The following PCDHGA5 variants were observed in gnomAD, a reference collection of about 807,000 sequenced individuals.
PCDHGA5 encodes the protein protocadherin gamma-A5.
A neutral mutation model predicts 56.7 loss-of-function variants in PCDHGA5; 36 were observed. The ratio of observed to expected loss-of-function variants is 0.64; its 90% CI spans 0.49 to 0.84. The LOEUF (loss-of-function observed/expected upper bound fraction) is 0.84. PCDHGA5 is among the 40% of genes least tolerant of loss of function. The pLI is 0.00. For synonymous variants in PCDHGA5, 563 were observed against 520.2 expected (o/e 1.08, Z -1.12); for missense variants, 1,305 against 1,201.5 (o/e 1.09, Z -1.27).
chr5:141,506,025 A>T (rs2099850088), intron 3 of PCDHGA5, among the ~76,000 whole-genome samples: 1 of 152,150 alleles, frequency 6.6e-6, no homozygotes, highest in African/African-American at 2.4e-5. Context: ...CCCTAACTCC[A>T]GAGTAGGATT....
At chr5:141,495,153 T>G (rs2154591630) in intron 2 of PCDHGA5, among the ~76,000 whole-genome samples, 1 of 152,290 alleles carries the variant, frequency 6.6e-6, no homozygotes, top group East Asian at 1.9e-4. Flanking sequence ...AGGATGGTCT[T>G]AAGCTGGTCT....
intron 3 of PCDHGA5, among the ~76,000 whole-genome samples, chr5:141,508,738 A>C (rs1596171196): frequency 7.1e-5 from 10 of 141,304 alleles, no homozygotes; most frequent in Admixed American, 1.4e-4. Context: ...TACACCCCCC[A>C]CCCCGCTCTT....
intron 2 of PCDHGA5, among the ~76,000 whole-genome samples, chr5:141,502,408 G>A (rs1197275813): frequency 6.6e-6 from 1 of 151,782 alleles, no homozygotes; most frequent in Non-Finnish European, 1.5e-5. Context: ...CCCGAACCTG[G>A]ATTTGCTGGC....
rs1688094877 is a variant in PCDHGA5 at position 141,432,625 on chromosome 5, C to T, written c.2422-62182C>T. 1.2e-6 allele frequency: 2 copies of T among 1,613,240 alleles called. No individual in the cohort carries two copies. The highest frequency in any genetic ancestry group is 1.7e-6 in the Non-Finnish European group (2 of 1,179,778). ...CGGGACTCTTCTCGGTGGGTCTGCA[C>T]ACGGGCGAGGTGCGCACGGCGCGAG... On this transcript the variant is annotated intron_variant, in intron 1 of 3. Coordinates refer to ENST00000518069, the MANE Select transcript of PCDHGA5 (RefSeq NM_018918.3). The surrounding 1 kb of genome is among the most constrained non-coding windows in gnomAD (Gnocchi z 6.0).
Position 141,366,162 on chromosome 5 carries a change from C to T in PCDHGA5, c.1832C>T (p.Ala611Val), listed in dbSNP as rs1037452604. 1.2e-6 allele frequency: 2 copies of T among 1,613,992 alleles called. No individual in the cohort carries two copies. The highest frequency in any genetic ancestry group is 2.7e-5 in the African/African-American group (2 of 74,954). Residue 611 changes from alanine (A) to valine (V), a missense_variant, in exon 1 of 4, where the codon GCC becomes GTC. By Grantham distance (64) the Ala-to-Val change is moderately conservative (BLOSUM62 0). Transcript: ENST00000518069. Reference sequence around the variant, plus strand: ...TGGCTGTCCTACCGCCTGCTTAAGGCCAGCGAGCCAGGACTCTTTGCGGTT... The same window carrying T: ...TGGCTGTCCTACCGCCTGCTTAAGGTCAGCGAGCCAGGACTCTTTGCGGTT... ...NAWLSYRLLK[A>V]SEPGLFAVGL...
Position 141,477,673 on chromosome 5 carries a change from G to A in PCDHGA5, c.2422-17134G>A. The A allele has an allele frequency of 1.2e-6, 2 of 1,614,168 alleles. No individual in the cohort carries two copies. The highest frequency in any genetic ancestry group is 8.5e-7 in the Non-Finnish European group (1 of 1,180,050). ...CAATAAATCGTGACAATGGCATAGT[G>A]TCATCCTTAGTGCCCCTAGACTATG... On this transcript the variant is annotated intron_variant, in intron 1 of 3. Coordinates refer to ENST00000518069, the MANE Select transcript of PCDHGA5 (RefSeq NM_018918.3). This position sits in a 1 kb window ranked among gnomAD's most constrained non-coding sequence, Gnocchi z 4.9.
At chr5:141,371,462 A>G (rs181808735) in intron 1 of PCDHGA5, 29 of 1,613,988 alleles carry the variant, frequency 1.8e-5, no homozygotes, top group Admixed American at 3.3e-5. Flanking sequence ...CCCAACATAT[A>G]CAAGAAGATG....
chr5:141,399,584 C>A (rs765946308), intron 1 of PCDHGA5: 34 of 1,613,904 alleles, frequency 2.1e-5, no homozygotes, highest in Non-Finnish European at 2.6e-5. Context: ...GTCTCCTACT[C>A]TATCATGGCC....
In PCDHGA5 at chr5:141,423,110, G is replaced by A. The variant is rs62621243; in HGVS notation, c.2421+56359G>A. On this transcript the variant is annotated intron_variant, in intron 1 of 3. Coordinates refer to ENST00000518069, the MANE Select transcript of PCDHGA5 (RefSeq NM_018918.3). ...GTGGGGGAGCACACGGGCGAGGTGC[G>A]TACAGCGCGGGCACTGCTGGACAGA... The A allele has an allele frequency of 0.016, 25,324 of 1,613,842 alleles. 257 individuals carry two copies. Among genetic ancestry groups the A allele is most frequent in the Non-Finnish European group, 0.019 (22,060 of 1,179,980 alleles).
chr5:141,405,229 C>T, intron 1 of PCDHGA5: 1 of 1,614,144 alleles, frequency 6.2e-7, no homozygotes, highest in Non-Finnish European at 8.5e-7. Context: ...AGTTCTCCCT[C>T]ACCGCTGACT....
At chr5:141,472,980 C>CAAAAAAAAAAAAAAAAAAAAAAAA (rs60579131) in intron 1 of PCDHGA5, among the ~76,000 whole-genome samples, 7 of 86,078 alleles carry the variant, frequency 8.1e-5, no homozygotes, top group African/African-American at 1.9e-4. Context: ...GAGTGAAACT[C>CAAAAAAAAAAAAAAAAAAAAAAAA]AAAAAAAAAA....
chr5:141,430,655 G>C (rs1309165721), intron 1 of PCDHGA5: 2 of 1,085,056 alleles, frequency 1.8e-6, no homozygotes, highest in Non-Finnish European at 2.6e-6. Flanking sequence ...TGGAAACAAC[G>C]GAGGAGCTCT....
intron 1 of PCDHGA5, chr5:141,385,035 G>C: frequency 6.2e-7 from 1 of 1,614,164 alleles, no homozygotes; most frequent in East Asian, 2.2e-5. Context: ...TCGTACTGCT[G>C]GCGCTCAGGC....
At chr5:141,424,540 T>G (rs944656560) in intron 1 of PCDHGA5, 1 of 152,244 alleles carries the variant, frequency 6.6e-6, no homozygotes, top group Admixed American at 6.5e-5. Flanking sequence ...TAGAAATAAC[T>G]TGATTTTGAT....
In PCDHGA5 at chr5:141,486,697, C is replaced by T. The variant is rs146956400; in HGVS notation, c.2422-8110C>T. 89 of 1,614,058 alleles carry T rather than the reference C, an allele frequency of 5.5e-5. No homozygotes were observed. Among genetic ancestry groups the T allele is most frequent in the Non-Finnish European group, 7.4e-5 (87 of 1,180,040 alleles). ...GAGATGTATCAGCTTCCTCTTTCAT[C>T]TCTCTGAACCCCCAGACAGGAGCTG... On this transcript the variant is annotated intron_variant, in intron 1 of 3. Coordinates refer to ENST00000518069, the MANE Select transcript of PCDHGA5 (RefSeq NM_018918.3). The surrounding 1 kb of genome is among the most constrained non-coding windows in gnomAD (Gnocchi z 5.0).
At chr5:141,498,958 A>T (rs1200201746) in intron 2 of PCDHGA5, among the ~76,000 whole-genome samples, 2 of 123,248 alleles carry the variant, frequency 1.6e-5, no homozygotes, top group Admixed American at 1.8e-4. Flanking sequence ...AAAGAGAGAG[A>T]GGGAGGGAGG....
At chr5:141,454,796 ATTTTTTTTTTTTTTTT>A (rs61612330) in intron 1 of PCDHGA5, among the ~76,000 whole-genome samples, 1 of 77,408 alleles carries the variant, frequency 1.3e-5, no homozygotes, top group East Asian at 4.0e-4. Flanking sequence ...CATGGTTCTA[ATTTTTTTTTTTTTTTT>A]TTTTTTTTTT....
chr5:141,383,192 A>T, intron 1 of PCDHGA5: 1 of 1,614,092 alleles, frequency 6.2e-7, no homozygotes, highest in Non-Finnish European at 8.5e-7. Context: ...ATCTGCGCTC[A>T]GAGTGCGCGG....
intron 1 of PCDHGA5, chr5:141,422,401 C>G: frequency 6.3e-7 from 1 of 1,598,896 alleles, no homozygotes; most frequent in Non-Finnish European, 8.5e-7. Context: ...TAACCACCTG[C>G]CTTTTAAATT....
Sources: allele counts gnomAD v4.1 joint callset (sites outside exome capture counted in the v4.1 genomes callset), GRCh38; gene constraint gnomAD v4.1.1; non-coding constraint Gnocchi (gnomAD v3.1); transcripts MANE v1.5; gene names NCBI Gene and HGNC (gene_info 2026-07-23, HGNC 2026-07-21).